BST1: variants seen among roughly 807,000 people sequenced by gnomAD.
The protein encoded by BST1 is ADP-ribosyl cyclase/cyclic ADP-ribose hydrolase 2.
BST1 carries 49 observed loss-of-function variants against 40.6 expected under a neutral mutation model. The observed-to-expected ratio is 1.21, with a 90% CI of 0.96 to 1.53. The LOEUF is 1.53. Ranked by LOEUF, BST1 falls within the 40% of genes most tolerant of loss-of-function variation. The pLI is 0.00. For missense variants in BST1, 423 were observed against 395.9 expected (o/e 1.07, Z -0.58); for synonymous variants, 157 against 159.3 (o/e 0.99, Z 0.11).
chr4:15,733,723 G>T (rs572494061), downstream of BST1, among the ~76,000 whole-genome samples: 1 of 152,180 alleles, frequency 6.6e-6, no homozygotes, highest in Admixed American at 6.5e-5. Context: ...ACCAGATCTC[G>T]TGAGAACTCT....
intron 3 of BST1, among the ~76,000 whole-genome samples, chr4:15,710,818 C>T (rs2148881452): frequency 6.6e-6 from 1 of 151,712 alleles, no homozygotes; most frequent in Non-Finnish European, 1.5e-5. Flanking sequence ...GAAACGGAGT[C>T]TCTGTGTGTC....
At chr4:15,707,384 C>T in intron 2 of BST1, 127 bp from the exon 3 acceptor site, 2 of 1,032,026 alleles carry the variant, frequency 1.9e-6, no homozygotes, top group South Asian at 1.3e-5. Context: ...AAAGAACGTT[C>T]AGTTGTTGTG....
At position 15,715,369 on chromosome 4, in the gene BST1, C is replaced by T. The variant is rs377366541; in HGVS notation, c.611+8C>T. 6.8e-6 allele frequency: 11 copies of T among 1,613,234 alleles called. No homozygotes were observed. Among genetic ancestry groups the T allele is most frequent in the Admixed American group, 3.3e-5 (2 of 59,980 alleles). The stretch of plus-strand genomic sequence containing the variant: ...AGCCTATCCCATCAAAGGGTAAGAA[C>T]ACCAGCACATTCAAACACAAGAGAG... On this transcript the variant is annotated splice_region_variant and intron_variant, in intron 5 of 8. Coordinates refer to ENST00000265016, the MANE Select transcript of BST1 (RefSeq NM_004334.3).
the BST1 span, among the ~76,000 whole-genome samples, chr4:15,770,120 G>A: frequency 1.3e-4 from 19 of 151,646 alleles, no homozygotes; most frequent in African/African-American, 3.9e-4. Context: ...GATTACAGGC[G>A]TAAGCCACCG....
Position 15,714,583 on chromosome 4 carries a change from CTTG to C in BST1, c.535-695_535-693del, listed in dbSNP as rs562736123. Among the ~76,000 whole-genome samples the C allele has an allele frequency of 8.5e-5, 13 of 152,280 alleles. No homozygotes were observed. The South Asian group carries it at 2.1e-3, about 24-fold the overall frequency. On this transcript the variant is annotated intron_variant, in intron 4 of 8. Transcript: ENST00000265016. ...AGTATCATAGTTTACTTACCATTCC[CTTG>C]TTGTTGAGTATTCTGTATTAGTTAC...
intron 3 of BST1, among the ~76,000 whole-genome samples, chr4:15,708,349 G>A (rs1354633990): frequency 6.6e-6 from 1 of 152,172 alleles, no homozygotes; most frequent in Non-Finnish European, 1.5e-5. Flanking sequence ...AGGAGCTGGA[G>A]ACACAGCAGT....
the BST1 span, among the ~76,000 whole-genome samples, chr4:15,770,974 C>A: frequency 6.6e-6 from 1 of 152,188 alleles, no homozygotes; most frequent in African/African-American, 2.4e-5. Flanking sequence ...GTCTACCTGA[C>A]CACCAAGTGC....
At chr4:15,708,043 T>G (rs530016330) in intron 3 of BST1, among the ~76,000 whole-genome samples, 2 of 152,064 alleles carry the variant, frequency 1.3e-5, no homozygotes, top group South Asian at 2.1e-4. Flanking sequence ...TCAGGGGGCA[T>G]AGCTAGTAAG....
downstream of BST1, among the ~76,000 whole-genome samples, chr4:15,738,664 G>A (rs950930622): frequency 2.6e-5 from 4 of 152,222 alleles, no homozygotes; most frequent in African/African-American, 9.6e-5. Flanking sequence ...TTGAAGTTCA[G>A]CTTCCACACG....
chr4:15,742,911 C>T (rs558154599), downstream of BST1, among the ~76,000 whole-genome samples: 5 of 152,352 alleles, frequency 3.3e-5, no homozygotes, highest in South Asian at 2.1e-4. Context: ...CCCAGGAGGA[C>T]ATTGGGCCTG....
At chr4:15,763,451 CGCT>C in the BST1 span, among the ~76,000 whole-genome samples, 1 of 151,460 alleles carries the variant, frequency 6.6e-6, no homozygotes, top group Non-Finnish European at 1.5e-5. Flanking sequence ...TTTCTTTGTA[CGCT>C]TCTTATTTTT....
chr4:15,750,855 A>G, the BST1 span, among the ~76,000 whole-genome samples: 1 of 152,182 alleles, frequency 6.6e-6, no homozygotes, highest in African/African-American at 2.4e-5. Context: ...AAAATTTTAT[A>G]TATGGCTCAT....
chr4:15,738,042 G>T, exon 7 of BST1: 2 of 320,586 alleles, frequency 6.2e-6, no homozygotes, highest in South Asian at 5.0e-5. Context: ...GTGGATACAG[G>T]TGATTATATA....
downstream of BST1, among the ~76,000 whole-genome samples, chr4:15,736,625 A>G (rs1001577179): frequency 1.4e-4 from 21 of 151,678 alleles, 1 homozygote; most frequent in South Asian, 6.3e-4. Context: ...AAAAAAAAAA[A>G]TCTGCGATTC....
chr4:15,760,718 G>A, the BST1 span, among the ~76,000 whole-genome samples: 28 of 151,014 alleles, frequency 1.9e-4, no homozygotes, highest in Middle Eastern at 3.4e-3. Context: ...TTCGAGATAA[G>A]GTCTCTTTTA....
the BST1 span, among the ~76,000 whole-genome samples, chr4:15,758,192 A>C: frequency 6.6e-6 from 1 of 152,118 alleles, no homozygotes; most frequent in Admixed American, 6.5e-5. Flanking sequence ...GGTTTGTTAC[A>C]CAGGCAAATT....
downstream of BST1, among the ~76,000 whole-genome samples, chr4:15,733,334 C>G (rs528338615): frequency 4.1e-3 from 610 of 147,338 alleles, 3 homozygotes; most frequent in African/African-American, 0.014. Flanking sequence ...AGAGTGCTGA[C>G]TGGTGCATTT....
chr4:15,731,438 G>T (rs562881670), intron 8 of BST1: 7 of 700,522 alleles, frequency 1.0e-5, no homozygotes, highest in Non-Finnish European at 1.3e-5. Flanking sequence ...CACACATGGA[G>T]AACTTGGGGC....
chr4:15,704,456 G>A (rs1249242133), intron 1 of BST1, among the ~76,000 whole-genome samples: 1 of 147,520 alleles, frequency 6.8e-6, no homozygotes. Context: ...GAGGTGAGAT[G>A]TGTGTGTGTT....
Sources: allele counts gnomAD v4.1 joint callset (sites outside exome capture counted in the v4.1 genomes callset), GRCh38; gene constraint gnomAD v4.1.1; transcripts MANE v1.5; gene names NCBI Gene and HGNC (gene_info 2026-07-23, HGNC 2026-07-21).